Variants in LRRK2 observed in about 807,000 individuals in gnomAD.
LRRK2 encodes leucine-rich repeat serine/threonine-protein kinase 2.
Under a neutral mutation model 302.6 loss-of-function variants are expected in LRRK2, and 203 were observed. That is an observed-to-expected ratio of 0.67 (90% confidence interval 0.60 to 0.75). The LOEUF is 0.75. Ranked by LOEUF, LRRK2 falls within the 30% of genes least tolerant of loss-of-function variation. LRRK2 has a pLI of 0.00. For missense variants in LRRK2, 2,830 were observed against 2,951.0 expected, an observed-to-expected ratio of 0.96 and a Z score of 0.95; for synonymous variants, 1,066 against 1,031.9, an observed-to-expected ratio of 1.03 and a Z score of -0.63.
intron 20 of LRRK2, among the ~76,000 whole-genome samples, chr12:40,292,258 C>G (rs1040493563): frequency 6.6e-6 from 1 of 152,030 alleles, no homozygotes; most frequent in African/African-American, 2.4e-5. Flanking sequence ...TCGGGTATTA[C>G]ATAGTCCTAT....
intron 44 of LRRK2, among the ~76,000 whole-genome samples, chr12:40,353,679 T>A (rs1390056220): frequency 6.6e-6 from 1 of 152,214 alleles, no homozygotes; most frequent in Non-Finnish European, 1.5e-5. Context: ...GCCACTGCAC[T>A]CCAGCCTGGG....
chr12:40,312,875 T>C (rs1333543502), intron 31 of LRRK2: 1 of 152,014 alleles, frequency 6.6e-6, no homozygotes, highest in African/African-American at 2.4e-5. Context: ...TCTTAATTTA[T>C]GAACGACTAA....
In LRRK2 at chr12:40,368,462, G is replaced by A. The variant is rs1946941426; in HGVS notation, c.*697G>A. On this transcript the variant is annotated 3_prime_UTR_variant, in exon 51 of 51. Coordinates refer to ENST00000298910, the MANE Select transcript of LRRK2 (RefSeq NM_198578.4). ...TCTCTTTGTCACAGAAACTCTCTGT[G>A]TCTTTCCTAGACATAATAGAGTTGT... 1 of 151,700 alleles carries A rather than the reference G, an allele frequency of 6.6e-6. No individual in the cohort carries two copies. Among genetic ancestry groups the A allele is most frequent in the African/African-American group, 2.4e-5 (1 of 41,378 alleles). The allele number at this position is 151,700 out of a possible 1,614,324, so 9.4% of individuals were successfully genotyped here. A position where few individuals can be genotyped will look rare whatever the true frequency, so the allele number is the denominator to read the frequency against.
At position 40,305,934 on chromosome 12, in the gene LRRK2, A is replaced by G; in HGVS notation, c.3927A>G (p.Lys1309=). Residue 1309 remains lysine (K), a synonymous_variant, in exon 28 of 51, where the codon AAA becomes AAG. Coordinates refer to ENST00000298910, the MANE Select transcript of LRRK2 (RefSeq NM_198578.4). ...AACTGCATCTTAACTTTGATTTTAA[A>G]CATATAGGATGTAAAGCCAAAGACA... ...LDELHLNFDF[K]HIGCKAKDII... is the part of the protein sequence containing the mutation. The G allele has an allele frequency of 3.7e-6, 6 of 1,611,238 alleles. No individual in the cohort carries two copies. Among genetic ancestry groups the G allele is most frequent in the Non-Finnish European group, 5.1e-6 (6 of 1,178,146 alleles).
rs768761859 is a variant in LRRK2, at chr12:40,310,547, G to A, written c.4434G>A (p.Gly1478=). ...KITKELLNKR[G]FPAIRDYHFV... is the part of the protein sequence containing the mutation. ...CCAAGGAACTCCTGAATAAGCGAGGGTTCCCTGCCATACGAGATTACCACT... is the reference window on the plus strand; with the variant it reads ...CCAAGGAACTCCTGAATAAGCGAGGATTCCCTGCCATACGAGATTACCACT... The change falls in exon 31 of 51, where the codon GGG becomes GGA. Residue 1478 remains glycine (G), a synonymous_variant. Transcript: ENST00000298910. The A allele has an allele frequency of 2.5e-6, 4 of 1,611,416 alleles. No individual in the cohort carries two copies. Among genetic ancestry groups the A allele is most frequent in the East Asian group, 2.2e-5 (1 of 44,820 alleles).
At chr12:40,258,231 C>T (rs753181673) in intron 12 of LRRK2, among the ~76,000 whole-genome samples, 4 of 152,108 alleles carry the variant, frequency 2.6e-5, no homozygotes, top group Non-Finnish European at 5.9e-5. Flanking sequence ...TATACTGTTA[C>T]TAAGTGTGAA....
chr12:40,276,939 T>G (rs1383627656), intron 16 of LRRK2, among the ~76,000 whole-genome samples: 4 of 152,132 alleles, frequency 2.6e-5, no homozygotes, highest in African/African-American at 9.7e-5. Flanking sequence ...CCCATCCTCC[T>G]GGGTGGGCTC....
chr12:40,317,955 C>T (rs1945276728), intron 33 of LRRK2, among the ~76,000 whole-genome samples: 1 of 152,056 alleles, frequency 6.6e-6, no homozygotes, highest in South Asian at 2.1e-4. Context: ...CACTTGGCTT[C>T]ATTCATTAAA....
intron 14 of LRRK2, among the ~76,000 whole-genome samples, chr12:40,265,045 C>T (rs1383577916): frequency 6.6e-6 from 1 of 152,068 alleles, no homozygotes; most frequent in Non-Finnish European, 1.5e-5. Context: ...AAAGTGGCTT[C>T]CAGAGAGATC....
Position 40,305,815 on chromosome 12 carries a change from C to A in LRRK2, c.3808C>A (p.Leu1270Met). Residue 1270 changes from leucine (L) to methionine (M), a missense_variant, in exon 28 of 51, where the codon CTG (leucine) becomes ATG (methionine). Coordinates refer to ENST00000298910, the MANE Select transcript of LRRK2 (RefSeq NM_198578.4). ...TCCTGAGATTGGCTGTCTTGAAAAT[C>A]TGACATCTCTGGATGTCAGTTACAA... ...IPPEIGCLEN[L>M]TSLDVSYNLE... 2 of 1,613,528 alleles carry A rather than the reference C, an allele frequency of 1.2e-6. No individual in the cohort carries two copies. Among genetic ancestry groups the A allele is most frequent in the Non-Finnish European group, 8.5e-7 (1 of 1,179,770 alleles).
rs752435178 is a variant in LRRK2 at position 40,304,116 on chromosome 12, T to C, written c.3759T>C (p.Ser1253=). ...LWSRVEKLHL[S]HNKLKEIPPE... ...CTAGAGTAGAGAAACTGCATCTTTCTCACAATAAACTGAAAGAGGTAAGAC... is the reference window on the plus strand; with the variant it reads ...CTAGAGTAGAGAAACTGCATCTTTCCCACAATAAACTGAAAGAGGTAAGAC... The change falls in exon 27 of 51, where the codon TCT becomes TCC. Residue 1253 remains serine, a synonymous_variant. Coordinates refer to ENST00000298910, the MANE Select transcript of LRRK2 (RefSeq NM_198578.4). 6.2e-7 allele frequency: 1 copy of C among 1,613,072 alleles called. No individual in the cohort carries two copies. The highest frequency in any genetic ancestry group is 1.1e-5 in the South Asian group (1 of 90,942).
At chr12:40,290,405 C>T (rs1012822348) in intron 20 of LRRK2, among the ~76,000 whole-genome samples, 3 of 151,894 alleles carry the variant, frequency 2.0e-5, no homozygotes, top group Admixed American at 1.3e-4. Flanking sequence ...TAATGCTGGC[C>T]TCTTGAAATG....
intron 30 of LRRK2, among the ~76,000 whole-genome samples, chr12:40,309,507 T>C (rs545742396): frequency 2.6e-5 from 4 of 152,170 alleles, no homozygotes; most frequent in Admixed American, 6.6e-5. Flanking sequence ...AACTGTTTTT[T>C]AATTATATTA....
At chr12:40,338,739 G>T (rs1268723510) in intron 40 of LRRK2, among the ~76,000 whole-genome samples, 1 of 152,150 alleles carries the variant, frequency 6.6e-6, no homozygotes, top group Non-Finnish European at 1.5e-5. Context: ...AAAGTATTCT[G>T]AAAGAGTCTG....
chr12:40,260,898 AT>A (rs1942741556), intron 13 of LRRK2, among the ~76,000 whole-genome samples: 1 of 152,052 alleles, frequency 6.6e-6, no homozygotes, highest in South Asian at 2.1e-4. Flanking sequence ...TTTTGAAGTC[AT>A]TTTTGCTTTG....
intron 40 of LRRK2, among the ~76,000 whole-genome samples, chr12:40,336,134 C>T (rs1044098115): frequency 1.3e-5 from 2 of 152,126 alleles, no homozygotes; most frequent in African/African-American, 2.4e-5. Flanking sequence ...CCTCCCCTGC[C>T]TTATTTCTTG....
rs1944465874 is a variant in LRRK2, at chr12:40,298,452, C to T, written c.3306C>T (p.Leu1102=). 3 of 1,613,684 alleles carry T rather than the reference C, an allele frequency of 1.9e-6. No homozygotes were observed. The highest frequency in any genetic ancestry group is 2.2e-5 in the East Asian group (1 of 44,826). ...YNQLSFVPEN[L]TDVVEKLEQL... ...AGCTGTCTTTTGTACCTGAGAACCT[C>T]ACTGATGTGGTAGAGAAACTGGAGC... The change falls in exon 24 of 51, where the codon CTC becomes CTT. Residue 1102 remains leucine, a synonymous_variant. Coordinates refer to ENST00000298910, the MANE Select transcript of LRRK2 (RefSeq NM_198578.4).
rs1195057936 is a variant in LRRK2, at chr12:40,363,563, T to G, written c.7181+9T>G. The G allele has an allele frequency of 6.2e-7, 1 of 1,610,388 alleles. No individual in the cohort carries two copies. Among genetic ancestry groups the G allele is most frequent in the African/African-American group, 1.3e-5 (1 of 74,732 alleles). ...TGCGTGCACTTTTTAAGGTAAATTC[T>G]GTGGTTTTTAATTTTATTCCCAAAA... On this transcript the variant is annotated intron_variant, in intron 48 of 50. Coordinates refer to ENST00000298910, the MANE Select transcript of LRRK2 (RefSeq NM_198578.4).
chr12:40,262,078 A>G (rs914531279), intron 13 of LRRK2, among the ~76,000 whole-genome samples: 1 of 152,070 alleles, frequency 6.6e-6, no homozygotes, highest in Non-Finnish European at 1.5e-5. Flanking sequence ...GCAAATTGGG[A>G]AGTATATAGA....
Sources: allele counts gnomAD v4.1 joint callset (sites outside exome capture counted in the v4.1 genomes callset), GRCh38; gene constraint gnomAD v4.1.1; transcripts MANE v1.5; gene names NCBI Gene and HGNC (gene_info 2026-07-23, HGNC 2026-07-21).